Variants in PSAT1 observed in about 807,000 individuals in gnomAD.
The protein encoded by PSAT1 is phosphoserine aminotransferase 1.
A neutral mutation model predicts 40.3 loss-of-function variants in PSAT1; 41 were observed. The observed-to-expected ratio is 1.02, with a 90% CI of 0.79 to 1.32. The LOEUF is 1.32. Ranked by LOEUF, PSAT1 falls within the 40% of genes most tolerant of loss-of-function variation. PSAT1 has a pLI of 0.00. For missense variants in PSAT1, 406 were observed against 455.8 expected (o/e 0.89, Z 0.99); for synonymous variants, 147 against 170.5 (o/e 0.86, Z 1.07).
chr9:78,329,883 A>G lies in PSAT1; in HGVS notation c.*797A>G, dbSNP rs1278912566. The G allele has an allele frequency of 1.3e-5, 2 of 152,208 alleles. No individual in the cohort carries two copies. The highest frequency in any genetic ancestry group is 3.9e-4 in the East Asian group (2 of 5,194). The allele number at this position is 152,208 out of a possible 1,614,324, so 9.4% of individuals were successfully genotyped here. On this transcript the variant is annotated 3_prime_UTR_variant, in exon 9 of 9. Coordinates refer to ENST00000376588, the MANE Select transcript of PSAT1 (RefSeq NM_058179.4). ...TTTTTACCATTCTTTCCATAGGTAG[A>G]AGAGAAAGTTGATTGGTTGGTTGTT...
rs1010697977 is a variant in PSAT1 at position 78,328,829 on chromosome 9, G to A, written c.1008-152G>A. On this transcript the variant is annotated intron_variant, in intron 8 of 8. Coordinates refer to ENST00000376588, the MANE Select transcript of PSAT1 (RefSeq NM_058179.4). The stretch of plus-strand genomic sequence containing the variant: ...TTTTCTGATGACTGAGACGTGTGAA[G>A]CTCTGTGCCAGGTGTCGGGAGTTTT... 1.8e-4 allele frequency: 126 copies of A among 695,534 alleles called. 1 individual carries two copies. The highest frequency in any genetic ancestry group is 4.1e-5 in the Admixed American group (2 of 48,384). The allele number at this position is 695,534 out of a possible 1,614,324, so 43.1% of individuals were successfully genotyped here.
chr9:78,308,585 T>G lies in PSAT1; in HGVS notation c.740+2T>G, dbSNP rs1338948664. The G allele has an allele frequency of 6.2e-7, 1 of 1,613,878 alleles. No individual in the cohort carries two copies. The highest frequency in any genetic ancestry group is 8.5e-7 in the Non-Finnish European group (1 of 1,180,012). ...GTACAACACGCCTCCATGTTTCAGG[T>G]AACTCTGGGAGTCAGTCTTGTGGAC... On this transcript the variant is annotated splice_donor_variant, in intron 6 of 8. Coordinates refer to ENST00000376588, the MANE Select transcript of PSAT1 (RefSeq NM_058179.4). LOFTEE classifies it high-confidence loss of function.
In PSAT1 at chr9:78,306,345, C is replaced by T. The variant is rs147534153; in HGVS notation, c.429C>T (p.Asn143=). 3 of 1,612,542 alleles carry T rather than the reference C, an allele frequency of 1.9e-6. No individual in the cohort carries two copies. Among genetic ancestry groups the T allele is most frequent in the Non-Finnish European group, 2.5e-6 (3 of 1,179,956 alleles). ...CAGATCCAAGCACCTGGAACCTCAA[C>T]CCAGATGCCTCCTACGTGTATTATT... ...KIPDPSTWNL[N]PDASYVYYCA... is the part of the protein sequence containing the mutation. The change falls in exon 5 of 9, where the codon AAC becomes AAT. Residue 143 remains asparagine, a synonymous_variant. Coordinates refer to ENST00000376588, the MANE Select transcript of PSAT1 (RefSeq NM_058179.4).
intron 3 of PSAT1, among the ~76,000 whole-genome samples, chr9:78,302,823 A>G (rs1048753988): frequency 6.6e-6 from 1 of 151,844 alleles, no homozygotes; most frequent in Non-Finnish European, 1.5e-5. Flanking sequence ...TTTATTTTTA[A>G]CAGGCTCTTT....
chr9:78,301,737 A>G (rs1401688737), intron 2 of PSAT1, among the ~76,000 whole-genome samples: 1 of 152,226 alleles, frequency 6.6e-6, no homozygotes, highest in East Asian at 1.9e-4. Flanking sequence ...GTACCACTTG[A>G]AAAATCCTTC....
Position 78,328,166 on chromosome 9 carries a change from A to G in PSAT1, c.985A>G (p.Met329Val). ...TCTTGATAAAGCTCTTGAACTCAAT[A>G]TGTTGTCCTTGAAAGGGCATAGGTG... ...RFLDKALELNMLSLKGHRSVG... is the reference protein window; with the variant it reads ...RFLDKALELNVLSLKGHRSVG... The change falls in exon 8 of 9, where the codon ATG (methionine) becomes GTG (valine). Residue 329 changes from methionine to valine, a missense_variant. Physicochemically the swap from Met to Val is conservative, Grantham distance 21. Transcript: ENST00000376588. The G allele has an allele frequency of 6.2e-7, 1 of 1,613,970 alleles. No individual in the cohort carries two copies.
chr9:78,327,475 A>C (rs565359625), intron 7 of PSAT1, among the ~76,000 whole-genome samples: 1 of 152,282 alleles, frequency 6.6e-6, no homozygotes, highest in South Asian at 2.1e-4. Flanking sequence ...AATGCTTACA[A>C]CAACTTGAGG....
At chr9:78,320,931 G>A (rs192561264) in intron 7 of PSAT1, among the ~76,000 whole-genome samples, 3 of 152,108 alleles carry the variant, frequency 2.0e-5, no homozygotes, top group African/African-American at 4.8e-5. Context: ...AGAAAGAACG[G>A]TGATACCACT....
intron 7 of PSAT1, among the ~76,000 whole-genome samples, chr9:78,321,697 G>C (rs1481255917): frequency 1.3e-5 from 2 of 152,128 alleles, no homozygotes; most frequent in Non-Finnish European, 2.9e-5. Flanking sequence ...CCATAGCCCA[G>C]TCACCCACAC....
chr9:78,307,507 A>G (rs1340085545), intron 5 of PSAT1, among the ~76,000 whole-genome samples: 1 of 152,198 alleles, frequency 6.6e-6, no homozygotes, highest in African/African-American at 2.4e-5. Context: ...AAATAACTAT[A>G]AATTACTTTC....
In PSAT1 at chr9:78,308,693, C is replaced by T. The variant is rs2039323; in HGVS notation, c.740+110C>T. 0.28 allele frequency: 359,651 copies of T among 1,297,192 alleles called. 51,536 individuals are homozygous for T. The highest frequency in any genetic ancestry group is 0.41 in the East Asian group (16,575 of 40,442). 80.4% of individuals were successfully genotyped at this position (1,297,192 alleles called of 1,614,324 possible). A position where few individuals can be genotyped will look rare whatever the true frequency, so the allele number is the denominator to read the frequency against. ...ATGTAAGCCTGGGCGCGGTGGCTCA[C>T]ACCTGTAATCTTAGCAATTTGGGAG... On this transcript the variant is annotated intron_variant, in intron 6 of 8. Transcript: ENST00000376588.
intron 3 of PSAT1, among the ~76,000 whole-genome samples, chr9:78,302,979 A>T (rs768346559): frequency 1.7e-4 from 26 of 152,178 alleles, no homozygotes; most frequent in Admixed American, 1.3e-4. Context: ...TTATATAAAC[A>T]TGTTCACATA....
At chr9:78,306,960 G>C (rs906143519) in intron 5 of PSAT1, among the ~76,000 whole-genome samples, 1 of 152,166 alleles carries the variant, frequency 6.6e-6, no homozygotes, top group Non-Finnish European at 1.5e-5. Flanking sequence ...GGTGCGATGC[G>C]GGTAGAGAAT....
chr9:78,308,654 T>TTTTAAAATAAAACATGTG, intron 6 of PSAT1, 71 bp downstream of exon 6: 1 of 1,572,024 alleles, frequency 6.4e-7, no homozygotes, highest in Non-Finnish European at 8.7e-7. Context: ...GGAGGTTACA[T>TTTTAAAATAAAACATGTG]TTTAAAATAA....
At chr9:78,308,210 G>T (rs77723347) in intron 5 of PSAT1, among the ~76,000 whole-genome samples, 1 of 152,154 alleles carries the variant, frequency 6.6e-6, no homozygotes, top group Admixed American at 6.5e-5. Flanking sequence ...TGAGGACCAG[G>T]CTGACGGATC....
At chr9:78,304,228 T>A (rs1828148020) in intron 3 of PSAT1, among the ~76,000 whole-genome samples, 1 of 152,232 alleles carries the variant, frequency 6.6e-6, no homozygotes. Flanking sequence ...TTCCCCCATC[T>A]TCTGGCTCTG....
chr9:78,306,201 CAGTT>C (rs1451750452), intron 4 of PSAT1, 109 bp from the exon 5 acceptor site: 10 of 1,119,936 alleles, frequency 8.9e-6, no homozygotes, highest in Admixed American at 3.4e-5. Context: ...GCTTTGGAGT[CAGTT>C]AGTCTTTCCC....
chr9:78,312,475 CACCT>C (rs202209949), intron 6 of PSAT1, among the ~76,000 whole-genome samples: 2,281 of 152,144 alleles, frequency 0.015, 59 homozygotes, highest in African/African-American at 0.051. Context: ...GCAGGTGGAT[CACCT>C]GAGGTCGGGA....
intron 2 of PSAT1, among the ~76,000 whole-genome samples, chr9:78,301,511 G>T (rs566016837): frequency 6.6e-6 from 1 of 152,244 alleles, no homozygotes; most frequent in African/African-American, 2.4e-5. Context: ...AGACCATAGG[G>T]TTAACTATAT....
Sources: gnomAD v4.1 joint callset for allele counts (sites outside exome capture counted in the v4.1 genomes callset) on GRCh38, gnomAD v4.1.1 for gene constraint, MANE v1.5 for transcripts, NCBI Gene and HGNC (gene_info 2026-07-23, HGNC 2026-07-21) for gene names.